Variants in ZNF208 observed in about 807,000 individuals in gnomAD.
ZNF208 encodes the protein zinc finger protein 208.
Under a neutral mutation model 12.1 loss-of-function variants are expected in ZNF208, and 10 were observed. The observed-to-expected ratio is 0.83, with a 90% CI of 0.51 to 1.40. The LOEUF (loss-of-function observed/expected upper bound fraction) is 1.40. Among genes scored for constraint, ZNF208 ranks in the 40% most tolerant of loss-of-function variants. The pLI is 0.00. For synonymous variants in ZNF208, 497 were observed against 488.4 expected (o/e 1.02, Z -0.23); for missense variants, 1,652 against 1,485.0 (o/e 1.11, Z -1.85).
chr19:21,987,102 G>A (rs1392844072), intron 3 of ZNF208, 114 bp downstream of exon 3: 2 of 1,051,844 alleles, frequency 1.9e-6, no homozygotes. Context: ...ATAAAAATTA[G>A]TCTCTCCAGA....
chr19:22,006,996 G>A (rs1039978606), intron 1 of ZNF208, among the ~76,000 whole-genome samples: 2 of 152,034 alleles, frequency 1.3e-5, no homozygotes, highest in African/African-American at 2.4e-5. Flanking sequence ...CTCAGAAATC[G>A]AAAAACAGGA....
intron 1 of ZNF208, among the ~76,000 whole-genome samples, chr19:22,006,824 G>T (rs186420791): frequency 6.6e-6 from 1 of 152,190 alleles, no homozygotes; most frequent in Non-Finnish European, 1.5e-5. Flanking sequence ...AAAATTTTAA[G>T]GTGCTTACCT....
chr19:21,962,758 G>A (rs1437298556), downstream of ZNF208, among the ~76,000 whole-genome samples: 1 of 152,048 alleles, frequency 6.6e-6, no homozygotes, highest in African/African-American at 2.4e-5. Context: ...AAAAGCTAAT[G>A]TATTTTAAGC....
In ZNF208 at chr19:21,984,423, C is replaced by T. The variant is rs1419756787; in HGVS notation, c.226+2793G>A. Among the ~76,000 whole-genome samples the T allele has an allele frequency of 1.2e-4, 18 of 152,014 alleles. No homozygotes were observed. In the East Asian group the frequency reaches 2.1e-3, roughly 18 times the overall value. On this transcript the variant is annotated intron_variant, in intron 3 of 3. Coordinates refer to ENST00000397126, the MANE Select transcript of ZNF208 (RefSeq NM_007153.3). Reference sequence around the variant, plus strand: ...AAAAAACTAGTGAGGCTTGGTGGCACGCACCTGTAGTCCCAGCTACTCAGG... The same window carrying T: ...AAAAAACTAGTGAGGCTTGGTGGCATGCACCTGTAGTCCCAGCTACTCAGG...
At chr19:21,964,820 G>A (rs1176953970), downstream of ZNF208, among the ~76,000 whole-genome samples, 1 of 151,714 alleles carries the variant, frequency 6.6e-6, no homozygotes, top group African/African-American at 2.4e-5. Flanking sequence ...TTTTCTCAGT[G>A]ACTAAAAAAG....
chr19:21,952,050 C>T (rs1208786814), intron 4 of ZNF208, among the ~76,000 whole-genome samples: 2 of 152,224 alleles, frequency 1.3e-5, no homozygotes, highest in African/African-American at 2.4e-5. Context: ...TCACTGCTAG[C>T]ACAGCAGTCT....
intron 1 of ZNF208, among the ~76,000 whole-genome samples, chr19:22,005,852 G>A (rs1339303663): frequency 1.3e-5 from 2 of 151,994 alleles, no homozygotes; most frequent in African/African-American, 4.8e-5. Context: ...TAAATAGCCG[G>A]GATTAGTAAA....
intron 4 of ZNF208, among the ~76,000 whole-genome samples, chr19:21,955,654 C>A (rs1341623336): frequency 1.3e-5 from 2 of 152,118 alleles, no homozygotes; most frequent in Admixed American, 1.3e-4. Context: ...TCATGTAGTT[C>A]TTGTGCCAAG....
chr19:21,977,451 G>A (rs7253881), intron 3 of ZNF208, among the ~76,000 whole-genome samples: 6,072 of 152,270 alleles, frequency 0.04, 173 homozygotes, highest in Middle Eastern at 0.12. Flanking sequence ...GTGGGATGTC[G>A]TCTCCCCTGG....
Position 21,972,104 on chromosome 19 carries a change from T to G in ZNF208, c.2930A>C (p.Glu977Ala), listed in dbSNP as rs747287900. The change falls in exon 4 of 4, where the codon GAA becomes GCA. Residue 977 changes from glutamate (E) to alanine (A), a missense_variant. By Grantham distance (107) the Glu-to-Ala change is moderately radical. Coordinates refer to ENST00000397126, the MANE Select transcript of ZNF208 (RefSeq NM_007153.3). ...GAATGTACTAAAGCCTTTGCCACAT[T>G]CTTCATATTTGTAAGGTTTCTCTTC... ...HTEEKPYKYE[E>A]CGKGFSTFSI... The G allele has an allele frequency of 6.2e-7, 1 of 1,613,502 alleles. No individual in the cohort carries two copies. Among genetic ancestry groups the G allele is most frequent in the South Asian group, 1.1e-5 (1 of 91,028 alleles).
Position 21,974,184 on chromosome 19 carries a change from G to T in ZNF208, c.850C>A (p.Pro284Thr), listed in dbSNP as rs1436523212. The change falls in exon 4 of 4, where the codon CCC becomes ACC. Residue 284 changes from proline to threonine, a missense_variant. Physicochemically the swap from Pro to Thr is conservative, Grantham distance 38 (BLOSUM62 -1). Around this residue, in one of 3 missense-constraint regions of ZNF208, gnomAD observed 410 missense variants for 378.2 expected, o/e 1.08. Coordinates refer to ENST00000397126, the MANE Select transcript of ZNF208 (RefSeq NM_007153.3). ...KHKIIHTGEK[P>T]NKCEECGKAF... ...TTGCCACATTCTTCACATTTGTTGGGTTTCTCTCCAGTATGAATTATCTTA... is the reference window on the plus strand; with the variant it reads ...TTGCCACATTCTTCACATTTGTTGGTTTTCTCTCCAGTATGAATTATCTTA... 6.2e-7 allele frequency: 1 copy of T among 1,603,692 alleles called. No individual in the cohort carries two copies. Among genetic ancestry groups the T allele is most frequent in the Non-Finnish European group, 8.5e-7 (1 of 1,172,060 alleles).
Position 21,973,365 on chromosome 19 carries a change from C to G in ZNF208, c.1669G>C (p.Glu557Gln), listed in dbSNP as rs375087805. 2 of 1,611,448 alleles carry G rather than the reference C, an allele frequency of 1.2e-6. No individual in the cohort carries two copies. Among genetic ancestry groups the G allele is most frequent in the Non-Finnish European group, 1.7e-6 (2 of 1,179,796 alleles). ...GACCACTTATAGGCTTTGCCACATT[C>G]TTCACATTTGTAGGGTTTCTCTCCA... is the stretch of plus-strand genomic sequence containing the variant. ...HTGEKPYKCE[E>Q]CGKAYKWSST... The change falls in exon 4 of 4, where the codon GAA (glutamate) becomes CAA (glutamine). Residue 557 changes from glutamate to glutamine, a missense_variant. By Grantham distance (29) the Glu-to-Gln change is conservative. Transcript: ENST00000397126.
At chr19:21,960,502 G>A (rs1335540185) in intron 4 of ZNF208, among the ~76,000 whole-genome samples, 2 of 152,126 alleles carry the variant, frequency 1.3e-5, no homozygotes, top group Non-Finnish European at 1.5e-5. Flanking sequence ...TTTACACAAT[G>A]GAATGCTCTT....
chr19:21,958,516 C>G (rs1266337791), intron 4 of ZNF208, among the ~76,000 whole-genome samples: 7 of 152,164 alleles, frequency 4.6e-5, no homozygotes, highest in Admixed American at 3.9e-4. Context: ...CAAATCTTAG[C>G]AAATATAACT....
At chr19:21,947,530 TC>T (rs1422573963) in intron 4 of ZNF208, among the ~76,000 whole-genome samples, 1 of 152,122 alleles carries the variant, frequency 6.6e-6, no homozygotes, top group African/African-American at 2.4e-5. Context: ...AAACTTACAG[TC>T]CCCCAATTAT....
chr19:21,983,328 C>T (rs537396877), intron 3 of ZNF208, among the ~76,000 whole-genome samples: 32 of 151,256 alleles, frequency 2.1e-4, no homozygotes, highest in South Asian at 4.2e-4. Context: ...CCAGTTAGAA[C>T]GGCGATCATT....
rs1970381047 is a variant in ZNF208 at position 21,974,265 on chromosome 19, A to T, written c.769T>A (p.Tyr257Asn). The stretch of plus-strand genomic sequence containing the variant: ...GCCTTGCCACATTCTTCACATTTGT[A>T]GGATTTCTCTCCAGTATGAATTACC... ...HKVIHTGEKSYKCEECGKAFN... is the reference protein window; with the variant it reads ...HKVIHTGEKSNKCEECGKAFN... Residue 257 changes from tyrosine (Y) to asparagine (N), a missense_variant, in exon 4 of 4, where the codon TAC becomes AAC. Transcript: ENST00000397126. The T allele has an allele frequency of 6.2e-7, 1 of 1,613,154 alleles. No homozygotes were observed. The highest frequency in any genetic ancestry group is 8.5e-7 in the Non-Finnish European group (1 of 1,179,540).
chr19:21,975,823 C>CAAAAAAAAA (rs532995268), intron 3 of ZNF208, among the ~76,000 whole-genome samples: 5 of 26,430 alleles, frequency 1.9e-4, no homozygotes, highest in Non-Finnish European at 2.7e-4. Flanking sequence ...AGTCAAAGTC[C>CAAAAAAAAA]AAAAAAAAAA....
chr19:21,951,445 T>C (rs150619604), intron 4 of ZNF208, among the ~76,000 whole-genome samples: 1,747 of 152,268 alleles, frequency 0.011, 35 homozygotes, highest in African/African-American at 0.041. Context: ...GAGTAAAAGA[T>C]TGTCTTAAAT....
Sources: allele counts gnomAD v4.1 joint callset (sites outside exome capture counted in the v4.1 genomes callset), GRCh38; gene constraint gnomAD v4.1.1; regional missense constraint gnomAD v4.1.1; transcripts MANE v1.5; gene names NCBI Gene and HGNC (gene_info 2026-07-23, HGNC 2026-07-21).